The following ENPP2 variants were observed in gnomAD, a reference collection of about 807,000 sequenced individuals.
The protein encoded by ENPP2 is ectonucleotide pyrophosphatase/phosphodiesterase 2.
Under a neutral mutation model 120.2 loss-of-function variants are expected in ENPP2, and 51 were observed. That is an observed-to-expected ratio of 0.42 (90% CI 0.34 to 0.54). ENPP2 has a LOEUF of 0.54. Ranked by LOEUF, ENPP2 falls within the 20% of genes least tolerant of loss-of-function variation. The pLI is 0.04. For missense variants in ENPP2, 920 were observed against 1,066.5 expected (o/e 0.86, Z 1.91); for synonymous variants, 365 against 366.4 (o/e 1.00, Z 0.04).
intron 19 of ENPP2, among the ~76,000 whole-genome samples, chr8:119,579,022 T>G (rs1563687642): frequency 1.3e-5 from 2 of 152,254 alleles, no homozygotes; most frequent in African/African-American, 2.4e-5. Context: ...CGTGCATCTT[T>G]GCTGCATGAC....
chr8:119,615,694 T>C (rs555528653), intron 8 of ENPP2, among the ~76,000 whole-genome samples: 18 of 152,120 alleles, frequency 1.2e-4, no homozygotes, highest in African/African-American at 1.7e-4. Context: ...TTTCAGTGAG[T>C]TCCCTTTTTT....
At chr8:119,617,927 C>T (rs549336331) in intron 5 of ENPP2, among the ~76,000 whole-genome samples, 20 of 151,958 alleles carry the variant, frequency 1.3e-4, no homozygotes, top group Admixed American at 4.6e-4. Flanking sequence ...CCAGCCTGGG[C>T]GACAAGAGTG....
chr8:119,649,393 C>A (rs1817564180), intron 1 of ENPP2, among the ~76,000 whole-genome samples: 1 of 145,284 alleles, frequency 6.9e-6, no homozygotes, highest in Non-Finnish European at 1.5e-5. Context: ...CAGAGCAAGA[C>A]TCCATCTCAA....
intron 19 of ENPP2, 42 bp from the exon 20 acceptor site, chr8:119,570,883 A>C: frequency 7.5e-7 from 1 of 1,329,200 alleles, no homozygotes. Context: ...TGCATATTAA[A>C]TTTTACATCA....
chr8:119,564,197 C>T (rs1390022449), intron 23 of ENPP2, among the ~76,000 whole-genome samples: 1 of 151,956 alleles, frequency 6.6e-6, no homozygotes, highest in African/African-American at 2.4e-5. Context: ...CTAAGGGATT[C>T]TTAAGTCCCA....
Position 119,569,366 on chromosome 8 carries a change from T to A in ENPP2, c.1922A>T (p.Glu641Val). 1.2e-6 allele frequency: 2 copies of A among 1,613,900 alleles called. No homozygotes were observed. The highest frequency in any genetic ancestry group is 1.7e-6 in the Non-Finnish European group (2 of 1,179,992). The change falls in exon 21 of 25, where the codon GAG becomes GTG. Residue 641 changes from glutamate to valine, a missense_variant. Glu to Val is a moderately radical substitution (Grantham distance 121, BLOSUM62 -2). Coordinates refer to ENST00000075322, the MANE Select transcript of ENPP2 (RefSeq NM_001040092.3). Reference protein sequence around the residue: ...WTSYTVSKQAEVSSVPDHLTS... With the variant: ...WTSYTVSKQAVVSSVPDHLTS... ...CAGATGGTCAGGAACGCTGGAAACC[T>A]CAGCCTGCACGGGAGTCAGAGGCAC...
chr8:119,571,263 T>C (rs910647365), intron 19 of ENPP2: 1 of 153,414 alleles, frequency 6.5e-6, no homozygotes, highest in African/African-American at 2.4e-5. Context: ...AAGGCACACA[T>C]TGATCATTAT....
intron 24 of ENPP2, among the ~76,000 whole-genome samples, chr8:119,561,934 T>C (rs1342910841): frequency 5.3e-5 from 8 of 151,678 alleles, no homozygotes; most frequent in East Asian, 2.0e-4. Context: ...GTCAGGAGAT[T>C]GAGACCATCC....
chr8:119,637,860 C>T (rs1817097781), intron 2 of ENPP2, among the ~76,000 whole-genome samples: 1 of 152,178 alleles, frequency 6.6e-6, no homozygotes, highest in South Asian at 2.1e-4. Context: ...ACTATTAAAA[C>T]TTACCTTTCC....
intron 24 of ENPP2, among the ~76,000 whole-genome samples, chr8:119,558,684 T>C (rs937211330): frequency 6.6e-6 from 1 of 151,940 alleles, no homozygotes; most frequent in Non-Finnish European, 1.5e-5. Flanking sequence ...CCTGTGAATA[T>C]GGAGCAGTGT....
At chr8:119,635,879 C>T (rs1816970170) in intron 2 of ENPP2, among the ~76,000 whole-genome samples, 1 of 152,176 alleles carries the variant, frequency 6.6e-6, no homozygotes, top group Non-Finnish European at 1.5e-5. Flanking sequence ...ACTAACACCC[C>T]AGTCCATAGT....
At chr8:119,665,789 A>C (rs1009204078) in intron 1 of ENPP2, among the ~76,000 whole-genome samples, 2 of 152,202 alleles carry the variant, frequency 1.3e-5, no homozygotes, top group Non-Finnish European at 2.9e-5. Flanking sequence ...TTTTTAACTC[A>C]TGCTTTCTTA....
At position 119,626,675 on chromosome 8, in the gene ENPP2, C is replaced by G; in HGVS notation, c.182G>C (p.Gly61Ala). The G allele has an allele frequency of 6.2e-7, 1 of 1,614,084 alleles. No homozygotes were observed. Among genetic ancestry groups the G allele is most frequent in the South Asian group, 1.1e-5 (1 of 91,082 alleles). ...AGCCTCTTGAAGTTCAAAGCACCTG[C>G]CCTTGCAAGATCCGGAGATGTTGGT... is the stretch of plus-strand genomic sequence containing the variant. ...PWTNISGSCK[G>A]RCFELQEAGP... Residue 61 changes from glycine to alanine, a missense_variant, in exon 3 of 25, where the codon GGC (glycine) becomes GCC (alanine). Gly to Ala is a moderately conservative substitution (Grantham distance 60, BLOSUM62 0). Coordinates refer to ENST00000075322, the MANE Select transcript of ENPP2 (RefSeq NM_001040092.3).
chr8:119,621,296 T>G (rs1240919016), intron 4 of ENPP2, 98 bp downstream of exon 4: 22 of 1,056,174 alleles, frequency 2.1e-5, no homozygotes, highest in Non-Finnish European at 4.4e-6. Flanking sequence ...CCTCCCAAAC[T>G]CATATCCAGT....
At chr8:119,624,768 C>T (rs1186544687) in intron 3 of ENPP2, among the ~76,000 whole-genome samples, 2 of 152,182 alleles carry the variant, frequency 1.3e-5, no homozygotes, top group Admixed American at 6.5e-5. Flanking sequence ...TATACATGCA[C>T]ACATAGATAC....
rs556275691 is a variant in ENPP2, at chr8:119,665,230, C to T, written c.21+8022G>A. Among the ~76,000 whole-genome samples, 148 of 152,268 alleles carry T rather than the reference C, an allele frequency of 9.7e-4. 4 individuals carry two copies. The highest frequency in any genetic ancestry group is 8.9e-3 in the Admixed American group (136 of 15,290). ...TGAATTGGGAGAGGATTCAATTCAA[C>T]CCATAACAACATCTTTCGTTTATTC... On this transcript the variant is annotated intron_variant, in intron 1 of 25. Transcript: ENST00000427067.
intron 20 of ENPP2, among the ~76,000 whole-genome samples, chr8:119,570,322 G>C (rs544241934): frequency 2.0e-5 from 3 of 149,172 alleles, no homozygotes; most frequent in South Asian, 4.3e-4. Context: ...AGGTTGAAGG[G>C]GGGTGGGTGA....
chr8:119,601,283 A>C (rs926618474), intron 10 of ENPP2, 114 bp downstream of exon 10: 6 of 754,858 alleles, frequency 7.9e-6, no homozygotes, highest in South Asian at 3.5e-5. Context: ...TAAGAACCAC[A>C]AAACTTTTAA....
At chr8:119,596,003 C>T (rs773183182) in intron 11 of ENPP2, 2 of 1,613,808 alleles carry the variant, frequency 1.2e-6, no homozygotes, top group South Asian at 1.1e-5. Flanking sequence ...AACTACTCTC[C>T]TGTACTGGCG....
Sources: gnomAD v4.1 joint callset for allele counts (sites outside exome capture counted in the v4.1 genomes callset) on GRCh38, gnomAD v4.1.1 for gene constraint, MANE v1.5 for transcripts, NCBI Gene and HGNC (gene_info 2026-07-23, HGNC 2026-07-21) for gene names.